NDUFA5: variants seen among roughly 807,000 people sequenced by gnomAD.
The protein encoded by NDUFA5 is NADH dehydrogenase [ubiquinone] 1 alpha subcomplex subunit 5.
Under a neutral mutation model 19.8 loss-of-function variants are expected in NDUFA5, and 11 were observed. The observed-to-expected ratio is 0.56, with a 90% CI of 0.35 to 0.92. The LOEUF is 0.92. Among genes scored for constraint, NDUFA5 ranks in the 40% least tolerant of loss-of-function variants. The pLI is 0.01. For missense variants in NDUFA5, 109 were observed against 134.2 expected (o/e 0.81, Z 0.93); for synonymous variants, 47 against 46.8 (o/e 1.00, Z -0.01).
At chr7:123,571,603 T>C in the NDUFA5 span, among the ~76,000 whole-genome samples, 1 of 152,202 alleles carries the variant, frequency 6.6e-6, no homozygotes, top group Non-Finnish European at 1.5e-5. Context: ...AGAGAAGCAT[T>C]ATATCAAAAA....
intron 3 of NDUFA5, among the ~76,000 whole-genome samples, chr7:123,549,642 A>T (rs1439059546): frequency 6.6e-6 from 1 of 152,110 alleles, no homozygotes; most frequent in Non-Finnish European, 1.5e-5. Flanking sequence ...GCTGGGCATG[A>T]TGGTGAGTGC....
rs1236958215 is a variant in NDUFA5 at position 123,540,888 on chromosome 7, GTGCA to G, written c.*1227_*1230del. ...ATTCTGAGCAAATGTGCGCATGCGC[GTGCA>G]CACACACACACACACACACACACAC... On this transcript the variant is annotated 3_prime_UTR_variant, in exon 5 of 5. Coordinates refer to ENST00000355749, the MANE Select transcript of NDUFA5 (RefSeq NM_005000.5). The G allele has an allele frequency of 3.6e-5, 3 of 83,816 alleles. No individual in the cohort carries two copies. Among genetic ancestry groups the G allele is most frequent in the Admixed American group, 1.4e-4 (1 of 7,186 alleles). The allele number at this position is 83,816 out of a possible 1,614,324, so 5.2% of individuals were successfully genotyped here.
chr7:123,548,402 A>T (rs1798212291), intron 3 of NDUFA5, among the ~76,000 whole-genome samples: 4 of 152,324 alleles, frequency 2.6e-5, no homozygotes, highest in South Asian at 4.1e-4. Flanking sequence ...ATAATACAGC[A>T]TGAAGGTACA....
the NDUFA5 span, among the ~76,000 whole-genome samples, chr7:123,572,244 C>T: frequency 1.4e-5 from 2 of 142,234 alleles, no homozygotes; most frequent in Non-Finnish European, 3.0e-5. Flanking sequence ...TGGGTTCAAG[C>T]GATTCTCTTG....
At position 123,546,727 on chromosome 7, in the gene NDUFA5, C is replaced by T. The variant is rs1798146078; in HGVS notation, c.184-1051G>A. ...TATCTTGCTGGATGGCCCAGGGTAT[C>T]TGCATCACTTGTTTCTTCACCACTT... On this transcript the variant is annotated intron_variant, in intron 3 of 4. Transcript: ENST00000355749. The T allele has an allele frequency of 3.1e-6, 4 of 1,278,646 alleles. No homozygotes were observed. The Admixed American group carries it at 6.9e-5, about 22-fold the overall frequency. The allele number at this position is 1,278,646 out of a possible 1,614,324, so 79.2% of individuals were successfully genotyped here.
chr7:123,561,558 T>G (rs961368220), upstream of NDUFA5, among the ~76,000 whole-genome samples: 1 of 152,132 alleles, frequency 6.6e-6, no homozygotes, highest in Non-Finnish European at 1.5e-5. Context: ...AATCAACTTT[T>G]GCTAAACTCC....
At position 123,537,559 on chromosome 7, in the gene NDUFA5, T is replaced by C. The variant is rs1797789021; in HGVS notation, c.*4560A>G. The stretch of plus-strand genomic sequence containing the variant: ...CATATACTTTACATTATGTAACACA[T>C]TAAGAGGGTCTGAGGAAGCAGTTTA... On this transcript the variant is annotated 3_prime_UTR_variant, in exon 5 of 5. Coordinates refer to ENST00000355749, the MANE Select transcript of NDUFA5 (RefSeq NM_005000.5). The C allele has an allele frequency of 6.6e-6, 1 of 152,140 alleles. No homozygotes were observed. The highest frequency in any genetic ancestry group is 6.5e-5 in the Admixed American group (1 of 15,278). The allele number at this position is 152,140 out of a possible 1,614,324, so 9.4% of individuals were successfully genotyped here. A position where few individuals can be genotyped will look rare whatever the true frequency, so the allele number is the denominator to read the frequency against.
the NDUFA5 span, among the ~76,000 whole-genome samples, chr7:123,597,771 C>T: frequency 6.6e-6 from 1 of 152,048 alleles, no homozygotes; most frequent in East Asian, 1.9e-4. Context: ...GCAGAGGTTG[C>T]AGTGAGCTGA....
chr7:123,546,637 T>A (rs1454074221), intron 3 of NDUFA5: 1 of 1,267,268 alleles, frequency 7.9e-7, no homozygotes, highest in Non-Finnish European at 1.0e-6. Context: ...ATAAATGGAA[T>A]AAAGAGGGAG....
At chr7:123,585,457 C>T in the NDUFA5 span, among the ~76,000 whole-genome samples, 8 of 151,782 alleles carry the variant, frequency 5.3e-5, no homozygotes, top group African/African-American at 1.9e-4. Context: ...ACCCTTTGAC[C>T]TGGATTTCTT....
chr7:123,576,252 T>C, the NDUFA5 span, among the ~76,000 whole-genome samples: 3 of 151,934 alleles, frequency 2.0e-5, no homozygotes, highest in Non-Finnish European at 4.4e-5. Context: ...GCAGCTTTAA[T>C]TTGATCTTCC....
chr7:123,555,459 A>G (rs1029143280), intron 2 of NDUFA5: 2 of 152,204 alleles, frequency 1.3e-5, no homozygotes, highest in African/African-American at 4.8e-5. Flanking sequence ...AAAAATCATC[A>G]TTGGAATGAA....
At chr7:123,599,933 T>G in the NDUFA5 span, among the ~76,000 whole-genome samples, 1 of 152,220 alleles carries the variant, frequency 6.6e-6, no homozygotes, top group African/African-American at 2.4e-5. Context: ...AGGACTCATT[T>G]TGTTTCCCCT....
At chr7:123,589,107 G>A in the NDUFA5 span, among the ~76,000 whole-genome samples, 1 of 151,616 alleles carries the variant, frequency 6.6e-6, no homozygotes, top group South Asian at 2.1e-4. Flanking sequence ...TGGTTTTCCT[G>A]TCTAAATAAT....
rs1049071088 is a variant in NDUFA5, at chr7:123,540,930, A to G, written c.*1189T>C. 2.0e-5 allele frequency: 3 copies of G among 151,456 alleles called. No homozygotes were observed. The highest frequency in any genetic ancestry group is 7.4e-5 in the African/African-American group (3 of 40,784). The allele number at this position is 151,456 out of a possible 1,614,324, so 9.4% of individuals were successfully genotyped here. A position where few individuals can be genotyped will look rare whatever the true frequency, so the allele number is the denominator to read the frequency against. Reference sequence around the variant, plus strand: ...CACACACACACACACACACACACACACACACGTATACACAAAACCCCACAA... The same window carrying G: ...CACACACACACACACACACACACACGCACACGTATACACAAAACCCCACAA... On this transcript the variant is annotated 3_prime_UTR_variant, in exon 5 of 5. Transcript: ENST00000355749.
chr7:123,549,544 A>T (rs1285596222), intron 3 of NDUFA5, among the ~76,000 whole-genome samples: 1 of 152,222 alleles, frequency 6.6e-6, no homozygotes, highest in East Asian at 1.9e-4. Flanking sequence ...TGGAAGGCTA[A>T]GGCAGGAAGG....
the NDUFA5 span, among the ~76,000 whole-genome samples, chr7:123,595,641 T>C: frequency 2.2e-4 from 34 of 152,234 alleles, no homozygotes; most frequent in Admixed American, 1.3e-4. Context: ...GCATACCTAG[T>C]GCACAGCATA....
chr7:123,600,949 C>T, the NDUFA5 span, among the ~76,000 whole-genome samples: 1 of 152,066 alleles, frequency 6.6e-6, no homozygotes, highest in African/African-American at 2.4e-5. Context: ...GCAGCAAATC[C>T]AATGAGGGTT....
chr7:123,574,059 A>G, the NDUFA5 span, among the ~76,000 whole-genome samples: 26 of 152,172 alleles, frequency 1.7e-4, no homozygotes, highest in African/African-American at 5.3e-4. Flanking sequence ...GTTAAAAGTG[A>G]TAGCAGTCTA....
Sources: allele counts gnomAD v4.1 joint callset (sites outside exome capture counted in the v4.1 genomes callset), GRCh38; gene constraint gnomAD v4.1.1; transcripts MANE v1.5; gene names NCBI Gene and HGNC (gene_info 2026-07-23, HGNC 2026-07-21).